The following GTF2I variants were observed in gnomAD, a reference collection of about 807,000 sequenced individuals.
The protein encoded by GTF2I is general transcription factor IIi, also known as general transcription factor II-I.
A neutral mutation model predicts 67.6 loss-of-function variants in GTF2I; 12 were observed. The observed-to-expected ratio is 0.18, with a 90% CI of 0.11 to 0.29. The LOEUF is 0.29. GTF2I is among the 10% of genes least tolerant of loss of function. The probability of loss-of-function intolerance (pLI) is 1.00; values close to 1 mark genes in which losing one functional copy is unlikely to be tolerated. For missense variants in GTF2I, 271 were observed against 580.1 expected (o/e 0.47, Z 5.47); for synonymous variants, 149 against 197.0 (o/e 0.76, Z 2.04).
Position 74,722,920 on chromosome 7 carries a change from G to A in GTF2I, c.943+3979G>A, listed in dbSNP as rs138616081. The stretch of plus-strand genomic sequence containing the variant: ...TCAGAGGAATTATGTACTAAGATTT[G>A]AATAATACGTTTTTAGAGTTTCAGT... On this transcript the variant is annotated intron_variant, in intron 12 of 34. Transcript: ENST00000573035. 127 of 152,220 alleles carry A rather than the reference G, an allele frequency of 8.3e-4. 2 individuals are homozygous for A. The highest frequency in any genetic ancestry group is 2.9e-3 in the African/African-American group (120 of 41,540). The allele number at this position is 152,220 out of a possible 1,614,324, so 9.4% of individuals were successfully genotyped here. A position where few individuals can be genotyped will look rare whatever the true frequency, so the allele number is the denominator to read the frequency against.
chr7:74,669,115 C>T (rs1241676086), intron 1 of GTF2I, among the ~76,000 whole-genome samples: 1 of 151,838 alleles, frequency 6.6e-6, no homozygotes, highest in Non-Finnish European at 1.5e-5. Context: ...CCTATGAGGC[C>T]TCAGAACACA....
rs587651143 is a variant in GTF2I, at chr7:74,727,836, C to G, written c.944-950C>G. 11 of 152,280 alleles carry G rather than the reference C, an allele frequency of 7.2e-5. No homozygotes were observed. In the East Asian group the frequency reaches 2.1e-3, roughly 29 times the overall value. The allele number at this position is 152,280 out of a possible 1,614,324, so 9.4% of individuals were successfully genotyped here. ...ACAGCAGAGTGAGTTCCTGGTGTAT[C>G]CACAAGGAAATGAGCACGGAACTCT... On this transcript the variant is annotated intron_variant, in intron 12 of 34. Coordinates refer to ENST00000573035, the MANE Select transcript of GTF2I (RefSeq NM_032999.4).
chr7:74,658,413 G>A (rs1262531645), intron 1 of GTF2I, among the ~76,000 whole-genome samples: 2 of 145,294 alleles, frequency 1.4e-5, no homozygotes, highest in South Asian at 2.1e-4. Flanking sequence ...GGCGTGCGGT[G>A]GGGGGGCGCC....
At chr7:74,729,900 T>C (rs1554406365) in intron 13 of GTF2I, among the ~76,000 whole-genome samples, 1 of 150,562 alleles carries the variant, frequency 6.6e-6, no homozygotes, top group African/African-American at 2.4e-5. Context: ...CTCCCTTTTG[T>C]CGTGTTTCAT....
chr7:74,668,905 T>C (rs1418174067), intron 1 of GTF2I, among the ~76,000 whole-genome samples: 1 of 151,912 alleles, frequency 6.6e-6, no homozygotes, highest in Non-Finnish European at 1.5e-5. Context: ...AAAAATACAT[T>C]AATTTATTTT....
At chr7:74,719,054 C>A in intron 12 of GTF2I, 113 bp downstream of exon 12, 1 of 581,116 alleles carries the variant, frequency 1.7e-6, no homozygotes, top group Non-Finnish European at 3.0e-6. Flanking sequence ...ACTTGTGGGA[C>A]GAATACATGT....
chr7:74,717,186 C>T, intron 11 of GTF2I: 1 of 361,268 alleles, frequency 2.8e-6, no homozygotes, highest in East Asian at 4.4e-5. Flanking sequence ...AAAGCTCTTA[C>T]ATGATGCAAA....
intron 2 of GTF2I, 117 bp from the exon 3 acceptor site, chr7:74,690,856 A>C: frequency 1.0e-6 from 1 of 985,904 alleles, no homozygotes; most frequent in Non-Finnish European, 1.5e-6. Context: ...TCAGGCCAAA[A>C]ACTATCTTGA....
At chr7:74,707,838 C>T (rs1790943808) in intron 8 of GTF2I, among the ~76,000 whole-genome samples, 1 of 151,876 alleles carries the variant, frequency 6.6e-6, no homozygotes, top group South Asian at 2.1e-4. Flanking sequence ...TGAATTCTTT[C>T]AACTGTCTTT....
chr7:74,678,049 CTG>C (rs1380174039), intron 1 of GTF2I, among the ~76,000 whole-genome samples: 1 of 151,676 alleles, frequency 6.6e-6, no homozygotes, highest in Non-Finnish European at 1.5e-5. Flanking sequence ...TTATTTCTGT[CTG>C]TCTCTCTCTC....
intron 1 of GTF2I, among the ~76,000 whole-genome samples, chr7:74,675,854 A>G (rs951385068): frequency 7.9e-5 from 12 of 152,114 alleles, no homozygotes; most frequent in Non-Finnish European, 1.6e-4. Context: ...TACTAAAAAT[A>G]CAAAAATTAG....
intron 1 of GTF2I, among the ~76,000 whole-genome samples, chr7:74,679,613 C>A (rs1406935202): frequency 1.3e-5 from 2 of 152,002 alleles, no homozygotes; most frequent in Non-Finnish European, 2.9e-5. Context: ...TTAAAACCTG[C>A]CATTCTTTGA....
chr7:74,706,638 T>G (rs1341709039), intron 8 of GTF2I, among the ~76,000 whole-genome samples: 1 of 152,136 alleles, frequency 6.6e-6, no homozygotes, highest in Non-Finnish European at 1.5e-5. Context: ...GTAGGCAGAG[T>G]TCTTTGCCAG....
Position 74,680,515 on chromosome 7 carries a change from A to G in GTF2I, c.-5-8609A>G, listed in dbSNP as rs782273812. 8.4e-4 allele frequency among the ~76,000 whole-genome samples: 127 copies of G among 151,806 alleles called. No homozygotes were observed. The Middle Eastern group carries it at 0.014, about 16-fold the overall frequency. ...TAGCACTTTGGTAGACTGAGGCGGG[A>G]GGATCATTTGATCTCAGGAGTTCGA... On this transcript the variant is annotated intron_variant, in intron 1 of 34. Transcript: ENST00000573035.
At chr7:74,726,800 C>T (rs1793834964) in intron 12 of GTF2I, 2 of 151,550 alleles carry the variant, frequency 1.3e-5, no homozygotes, top group South Asian at 4.2e-4. Context: ...TGCCACTGCC[C>T]TCCAGCCTGG....
At chr7:74,735,599 T>G (rs1224340804) in intron 17 of GTF2I, 67 bp downstream of exon 17, 4 of 394,784 alleles carry the variant, frequency 1.0e-5, no homozygotes, top group Non-Finnish European at 1.9e-5. Flanking sequence ...TTTTTAAATG[T>G]TGTTTTATTT....
chr7:74,677,643 G>A lies in GTF2I; in HGVS notation c.-5-11481G>A, dbSNP rs111514278. ...CTAAAAAAAAGAAAATTAGCCGGGC[G>A]TGGTGACATACACCTGTAATCCTAG... is the stretch of plus-strand genomic sequence containing the variant. On this transcript the variant is annotated intron_variant, in intron 1 of 34. Transcript: ENST00000573035. Among the ~76,000 whole-genome samples the A allele has an allele frequency of 9.3e-3, 1,404 of 151,712 alleles. 25 individuals are homozygous for A. Among genetic ancestry groups the A allele is most frequent in the African/African-American group, 0.033 (1,345 of 41,346 alleles).
intron 1 of GTF2I, among the ~76,000 whole-genome samples, 177 bp downstream of exon 1, chr7:74,658,245 C>T (rs1163275508): frequency 6.7e-6 from 1 of 149,852 alleles, no homozygotes; most frequent in African/African-American, 2.4e-5. Flanking sequence ...CCTCCCCCTA[C>T]CCCCACCCCC....
At chr7:74,718,184 G>A (rs1792501218) in intron 11 of GTF2I, among the ~76,000 whole-genome samples, 1 of 152,180 alleles carries the variant, frequency 6.6e-6, no homozygotes, top group Non-Finnish European at 1.5e-5. Flanking sequence ...AAGTTGAATC[G>A]AATCTGGGTT....
Sources: gnomAD v4.1 joint callset for allele counts (sites outside exome capture counted in the v4.1 genomes callset) on GRCh38, gnomAD v4.1.1 for gene constraint, MANE v1.5 for transcripts, NCBI Gene and HGNC (gene_info 2026-07-23, HGNC 2026-07-21) for gene names.